Variants in GADL1 observed in about 807,000 individuals in gnomAD.
GADL1 encodes the protein GAD like acidic amino acid decarboxylase 1, also known as acidic amino acid decarboxylase GADL1.
GADL1 carries 71 observed loss-of-function variants against 69.5 expected under a neutral mutation model. The observed-to-expected ratio is 1.02, with a 90% CI of 0.84 to 1.25. GADL1 has a LOEUF of 1.25. Among genes scored for constraint, GADL1 ranks in the 50% most tolerant of loss-of-function variants. The pLI is 0.00. For synonymous variants in GADL1, 254 were observed against 214.4 expected (o/e 1.18, Z -1.62); for missense variants, 737 against 631.8 (o/e 1.17, Z -1.79).
intron 1 of GADL1, among the ~76,000 whole-genome samples, chr3:30,886,307 T>C (rs749694885): frequency 2.0e-5 from 3 of 152,050 alleles, no homozygotes; most frequent in Non-Finnish European, 2.9e-5. Flanking sequence ...ACTAGATATA[T>C]CCAAAAGAAG....
intron 11 of GADL1, among the ~76,000 whole-genome samples, chr3:30,815,327 C>A (rs1335380779): frequency 6.6e-6 from 1 of 151,900 alleles, no homozygotes; most frequent in African/African-American, 2.4e-5. Context: ...GTAGACAGTT[C>A]TCTCTGGTCG....
At chr3:30,879,449 C>T (rs924892762) in intron 1 of GADL1, among the ~76,000 whole-genome samples, 6 of 151,888 alleles carry the variant, frequency 4.0e-5, no homozygotes, top group African/African-American at 1.4e-4. Flanking sequence ...AATACAGGCT[C>T]TCCCTCTCTA....
chr3:30,741,927 G>A (rs1323155860), intron 14 of GADL1, among the ~76,000 whole-genome samples: 1 of 152,086 alleles, frequency 6.6e-6, no homozygotes, highest in Non-Finnish European at 1.5e-5. Context: ...ATTGTTCTCA[G>A]GTACACTGAC....
intron 11 of GADL1, among the ~76,000 whole-genome samples, chr3:30,822,300 T>C (rs571848149): frequency 1.3e-5 from 2 of 151,970 alleles, no homozygotes; most frequent in Non-Finnish European, 2.9e-5. Context: ...GGGACTGAGA[T>C]GAGGGAGGAG....
chr3:30,862,679 G>A (rs977479199), intron 1 of GADL1, among the ~76,000 whole-genome samples: 1 of 151,948 alleles, frequency 6.6e-6, no homozygotes, highest in Non-Finnish European at 1.5e-5. Flanking sequence ...CTGAATTATC[G>A]AAGTATCTAA....
At chr3:30,767,115 T>C (rs1005953544) in intron 14 of GADL1, among the ~76,000 whole-genome samples, 1 of 152,136 alleles carries the variant, frequency 6.6e-6, no homozygotes, top group Non-Finnish European at 1.5e-5. Context: ...GCAGGTAGTT[T>C]TTAAATATCC....
intron 12 of GADL1, among the ~76,000 whole-genome samples, chr3:30,789,382 G>T (rs539122222): frequency 6.6e-6 from 1 of 152,312 alleles, no homozygotes; most frequent in African/African-American, 2.4e-5. Flanking sequence ...ATAAAGAGAT[G>T]TGCTGTCACA....
intron 9 of GADL1, 111 bp downstream of exon 9, chr3:30,838,886 A>C (rs1697917358): frequency 1.6e-6 from 1 of 620,752 alleles, no homozygotes. Flanking sequence ...TTTGAGACAC[A>C]AACAAAAGCG....
chr3:30,746,542 G>T (rs1488185984), intron 14 of GADL1, among the ~76,000 whole-genome samples: 3 of 152,122 alleles, frequency 2.0e-5, no homozygotes, highest in African/African-American at 4.8e-5. Context: ...CTGTGATAAG[G>T]GTAATAAGGT....
intron 12 of GADL1, among the ~76,000 whole-genome samples, chr3:30,791,549 C>T (rs1189420469): frequency 1.3e-5 from 2 of 152,128 alleles, no homozygotes; most frequent in East Asian, 3.9e-4. Context: ...TTTTAAAATG[C>T]TTGTCAAACT....
At chr3:30,795,546 C>T (rs939694913) in intron 12 of GADL1, among the ~76,000 whole-genome samples, 53 of 152,040 alleles carry the variant, frequency 3.5e-4, no homozygotes, top group Middle Eastern at 3.2e-3. Flanking sequence ...AAATTTACTG[C>T]CATACCACTG....
chr3:30,876,636 AAT>A (rs1364705884), intron 1 of GADL1, among the ~76,000 whole-genome samples: 1 of 151,896 alleles, frequency 6.6e-6, no homozygotes, highest in Non-Finnish European at 1.5e-5. Context: ...CTAATTTCCA[AAT>A]GTTAGCATCT....
At chr3:30,784,136 G>A (rs1024743499) in intron 13 of GADL1, among the ~76,000 whole-genome samples, 5 of 152,074 alleles carry the variant, frequency 3.3e-5, no homozygotes, top group African/African-American at 9.7e-5. Context: ...AAAAACTATA[G>A]ACATTTTCTT....
chr3:30,887,079 G>A lies in GADL1; in HGVS notation c.37+7499C>T, dbSNP rs74507016. ...AGCATGCCCAAAGACATAGTTCAGT[G>A]CCCACAGTGCCTAGACTTCAGTAAC... On this transcript the variant is annotated intron_variant, in intron 1 of 14. Transcript: ENST00000282538. Among the ~76,000 whole-genome samples the A allele has an allele frequency of 0.014, 2,120 of 152,290 alleles. 114 individuals are homozygous for A. The East Asian group carries it at 0.18, about 13-fold the overall frequency.
intron 14 of GADL1, among the ~76,000 whole-genome samples, chr3:30,769,723 G>A (rs1045927369): frequency 6.6e-6 from 1 of 152,174 alleles, no homozygotes; most frequent in Non-Finnish European, 1.5e-5. Context: ...TGCCACATTT[G>A]CCACAAGGTC....
chr3:30,839,120 G>A lies in GADL1; in HGVS notation c.787-7C>T. On this transcript the variant is annotated splice_polypyrimidine_tract_variant and splice_region_variant and intron_variant, in intron 8 of 14. Coordinates refer to ENST00000282538, the MANE Select transcript of GADL1 (RefSeq NM_207359.3). ...CAAGAAACGGTGCTGCCCCCTGTAA[G>A]AAGGATCCACACACACAAAATTATC... is the stretch of plus-strand genomic sequence containing the variant. 6.5e-7 allele frequency: 1 copy of A among 1,531,484 alleles called. No individual in the cohort carries two copies. The highest frequency in any genetic ancestry group is 1.3e-5 in the South Asian group (1 of 77,814). The allele number at this position is 1,531,484 out of a possible 1,614,324, so 94.9% of individuals were successfully genotyped here. A position where few individuals can be genotyped will look rare whatever the true frequency, so the allele number is the denominator to read the frequency against.
At chr3:30,844,040 G>T (rs1308277319) in intron 8 of GADL1, among the ~76,000 whole-genome samples, 170 bp downstream of exon 8, 4 of 152,248 alleles carry the variant, frequency 2.6e-5, no homozygotes, top group Non-Finnish European at 4.4e-5. Context: ...TAGAACATCT[G>T]TAAATGAGTT....
At chr3:30,837,155 TA>T (rs1697887973) in intron 9 of GADL1, among the ~76,000 whole-genome samples, 1 of 100,264 alleles carries the variant, frequency 1.0e-5, no homozygotes. Context: ...TAAAAAGAGA[TA>T]AACATCAGTT....
At chr3:30,729,038 A>C (rs1337736970) in intron 14 of GADL1, among the ~76,000 whole-genome samples, 1 of 152,210 alleles carries the variant, frequency 6.6e-6, no homozygotes, top group Non-Finnish European at 1.5e-5. Flanking sequence ...CATATATGAA[A>C]TATAAACACC....
Sources: allele counts gnomAD v4.1 joint callset (sites outside exome capture counted in the v4.1 genomes callset), GRCh38; gene constraint gnomAD v4.1.1; transcripts MANE v1.5; gene names NCBI Gene and HGNC (gene_info 2026-07-23, HGNC 2026-07-21).